The following CCDC50 variants were observed in gnomAD, a reference collection of about 807,000 sequenced individuals.
The protein encoded by CCDC50 is coiled-coil domain-containing protein 50.
In CCDC50, 54 loss-of-function variants were observed where a neutral mutation model predicts 70.2. The observed-to-expected ratio is 0.77, with a 90% CI of 0.62 to 0.96. The LOEUF (loss-of-function observed/expected upper bound fraction) is 0.96, where lower values mean the gene tolerates loss of function less well. CCDC50 is among the 50% of genes least tolerant of loss of function. The pLI, the probability that CCDC50 is intolerant of heterozygous loss-of-function variation, is 0.00. For missense variants in CCDC50, 558 were observed against 578.7 expected, an observed-to-expected ratio of 0.96 and a Z score of 0.37; for synonymous variants, 216 against 198.8, an observed-to-expected ratio of 1.09 and a Z score of -0.73.
chr3:191,354,763 G>A (rs1019008865), intron 1 of CCDC50, among the ~76,000 whole-genome samples: 7 of 151,964 alleles, frequency 4.6e-5, no homozygotes, highest in Admixed American at 6.6e-5. Context: ...TGTGGGGTGG[G>A]GTGTAGAGGT....
At chr3:191,334,811 T>A (rs535154644) in intron 1 of CCDC50, among the ~76,000 whole-genome samples, 97 of 152,296 alleles carry the variant, frequency 6.4e-4, no homozygotes, top group African/African-American at 2.1e-3. Context: ...AGAATGAAAA[T>A]AATAAGGCTT....
At chr3:191,332,955 G>A (rs1718039359) in intron 1 of CCDC50, among the ~76,000 whole-genome samples, 1 of 152,108 alleles carries the variant, frequency 6.6e-6, no homozygotes, top group South Asian at 2.1e-4. Context: ...ACCACTTTTA[G>A]CCATGCAGTG....
intron 1 of CCDC50, among the ~76,000 whole-genome samples, chr3:191,332,829 T>C (rs1377494300): frequency 1.3e-5 from 2 of 152,204 alleles, no homozygotes; most frequent in African/African-American, 2.4e-5. Flanking sequence ...AAATGAATTG[T>C]CCACTTGCTG....
intron 10 of CCDC50, among the ~76,000 whole-genome samples, chr3:191,387,799 G>C (rs751490037): frequency 6.6e-6 from 1 of 152,076 alleles, no homozygotes; most frequent in African/African-American, 2.4e-5. Flanking sequence ...GATTGTTTTT[G>C]TGAGTTCCAC....
chr3:191,361,510 G>C (rs1712486770), intron 4 of CCDC50, among the ~76,000 whole-genome samples: 1 of 152,074 alleles, frequency 6.6e-6, no homozygotes, highest in Admixed American at 6.6e-5. Flanking sequence ...CTACCTCTTG[G>C]GAAGGATCCT....
At chr3:191,387,222 A>G (rs1329595087) in intron 10 of CCDC50, among the ~76,000 whole-genome samples, 1 of 152,166 alleles carries the variant, frequency 6.6e-6, no homozygotes, top group Non-Finnish European at 1.5e-5. Context: ...TGAAAAGTAC[A>G]GGATGATAAG....
At chr3:191,356,373 C>T (rs1466822440) in intron 1 of CCDC50, among the ~76,000 whole-genome samples, 1 of 152,192 alleles carries the variant, frequency 6.6e-6, no homozygotes, top group African/African-American at 2.4e-5. Flanking sequence ...TTGCCTGGCT[C>T]TTCAGGTGGA....
In CCDC50 at chr3:191,380,921, C is replaced by G. The variant is rs138707536; in HGVS notation, c.1231C>G (p.Pro411Ala). 1.2e-5 allele frequency: 20 copies of G among 1,611,738 alleles called. No homozygotes were observed. Among genetic ancestry groups the G allele is most frequent in the Non-Finnish European group, 1.6e-5 (19 of 1,178,570 alleles). ...ATCTTTGGACAAAAGAAAGCAAGAC[C>G]CCGAGTGGAAGGTAGAGTGTGTTTT... The part of the protein sequence containing the change: ...KSSLDKRKQD[P>A]EWKPKTAKAA... The change falls in exon 9 of 12, where the codon CCC (proline) becomes GCC (alanine). Residue 411 changes from proline (P) to alanine (A), a missense_variant. By Grantham distance (27) the Pro-to-Ala change is conservative. Transcript: ENST00000392455.
intron 10 of CCDC50, among the ~76,000 whole-genome samples, chr3:191,386,231 T>C (rs1576975960): frequency 2.1e-5 from 1 of 48,174 alleles, no homozygotes; most frequent in African/African-American, 4.3e-5. Context: ...TTTTTTTTTT[T>C]TTTTTTTTTT....
rs190969636 is a variant in CCDC50 at position 191,394,095 on chromosome 3, A to G, written c.*2335A>G. 4 of 152,262 alleles carry G rather than the reference A, an allele frequency of 2.6e-5. No homozygotes were observed. In the East Asian group the frequency reaches 7.7e-4, roughly 29 times the overall value. The allele number at this position is 152,262 out of a possible 1,614,324, so 9.4% of individuals were successfully genotyped here. ...TCGGACCACTTAACACTTACCAGGAATGTTAGTGTTTCAGCTGTTTTAGTA... is the reference window on the plus strand; with the variant it reads ...TCGGACCACTTAACACTTACCAGGAGTGTTAGTGTTTCAGCTGTTTTAGTA... On this transcript the variant is annotated 3_prime_UTR_variant, in exon 12 of 12. Coordinates refer to ENST00000392455, the MANE Select transcript of CCDC50 (RefSeq NM_178335.3).
intron 1 of CCDC50, among the ~76,000 whole-genome samples, chr3:191,337,561 T>G (rs1009214628): frequency 1.3e-5 from 2 of 152,040 alleles, no homozygotes; most frequent in African/African-American, 4.8e-5. Context: ...GCCCGGCTGG[T>G]CTCAAACTCC....
At chr3:191,330,784 A>G (rs1223550822) in intron 1 of CCDC50, among the ~76,000 whole-genome samples, 1 of 152,150 alleles carries the variant, frequency 6.6e-6, no homozygotes, top group African/African-American at 2.4e-5. Context: ...CAGCCCAAAA[A>G]TCTCAGGAAA....
chr3:191,352,698 T>C (rs1712143534), intron 1 of CCDC50, among the ~76,000 whole-genome samples: 2 of 142,448 alleles, frequency 1.4e-5, no homozygotes, highest in South Asian at 4.4e-4. Flanking sequence ...ATTCATTTTA[T>C]TGCAATATTT....
intron 5 of CCDC50, 104 bp downstream of exon 5, chr3:191,370,140 C>G (rs898938223): frequency 1.8e-5 from 14 of 792,880 alleles, no homozygotes; most frequent in Non-Finnish European, 3.1e-5. Context: ...GACTGTTTCT[C>G]TTATCCCCAG....
chr3:191,382,801 A>C lies in CCDC50; in HGVS notation c.1298A>C (p.His433Pro). The C allele has an allele frequency of 6.2e-7, 1 of 1,613,020 alleles. No homozygotes were observed. ...TCAAAAGAGAGTGATGAACCTCACC[A>C]TTCTAAGAATGAAAGGCCAGCACGG... ...SKSKESDEPH[H>P]SKNERPARPP... The change falls in exon 10 of 12, where the codon CAT becomes CCT. Residue 433 changes from histidine to proline, a missense_variant. His to Pro is a moderately conservative substitution (Grantham distance 77). Transcript: ENST00000392455.
intron 7 of CCDC50, 129 bp from the exon 8 acceptor site, chr3:191,380,558 A>G: frequency 1.1e-6 from 1 of 908,570 alleles, no homozygotes; most frequent in Admixed American, 2.0e-5. Flanking sequence ...AAGCATACCA[A>G]CTGATTATCA....
intron 2 of CCDC50, 26 bp downstream of exon 2, chr3:191,357,176 C>T: frequency 6.2e-7 from 1 of 1,600,528 alleles, no homozygotes; most frequent in Non-Finnish European, 8.6e-7. Context: ...CATTTATGCT[C>T]CTTCAGTTTT....
intron 1 of CCDC50, among the ~76,000 whole-genome samples, chr3:191,335,534 G>A (rs572130746): frequency 4.6e-5 from 7 of 152,150 alleles, no homozygotes; most frequent in South Asian, 4.2e-4. Context: ...AAAAACCAGC[G>A]CAAGAGTTCT....
intron 3 of CCDC50, among the ~76,000 whole-genome samples, chr3:191,360,405 T>G (rs1265391554): frequency 6.6e-6 from 1 of 152,240 alleles, no homozygotes; most frequent in Non-Finnish European, 1.5e-5. Flanking sequence ...TCCCACTTAT[T>G]ATCACATCCA....
Sources: allele counts gnomAD v4.1 joint callset (sites outside exome capture counted in the v4.1 genomes callset), GRCh38; gene constraint gnomAD v4.1.1; transcripts MANE v1.5; gene names NCBI Gene and HGNC (gene_info 2026-07-23, HGNC 2026-07-21).